The following KRT5 variants were observed in gnomAD, a reference collection of about 807,000 sequenced individuals.
The protein encoded by KRT5 is keratin 5, also known as keratin, type II cytoskeletal 5.
KRT5 carries 17 observed loss-of-function variants against 44.0 expected under a neutral mutation model. The ratio of observed to expected loss-of-function variants is 0.39; its 90% CI spans 0.26 to 0.58. The LOEUF (loss-of-function observed/expected upper bound fraction) is 0.58. Among genes scored for constraint, KRT5 ranks in the 20% least tolerant of loss-of-function variants. KRT5 has a pLI of 0.61. For missense variants in KRT5, 737 were observed against 785.5 expected, an observed-to-expected ratio of 0.94 and a Z score of 0.74; for synonymous variants, 329 against 312.8, an observed-to-expected ratio of 1.05 and a Z score of -0.55.
At position 52,517,013 on chromosome 12, in the gene KRT5, C is replaced by T. The variant is rs576713878; in HGVS notation, c.1218+94G>A. Reference sequence around the variant, plus strand: ...GAAACACTGGTACTGGATCTAGCTGCGTGTGTTTAGCAAAAGTAAAACAAA... The same window carrying T: ...GAAACACTGGTACTGGATCTAGCTGTGTGTGTTTAGCAAAAGTAAAACAAA... On this transcript the variant is annotated intron_variant, in intron 6 of 8. Transcript: ENST00000252242. 87 of 1,533,306 alleles carry T rather than the reference C, an allele frequency of 5.7e-5. No individual in the cohort carries two copies. The African/African-American group carries it at 8.9e-4, about 16-fold the overall frequency. The allele number at this position is 1,533,306 out of a possible 1,614,324, so 95.0% of individuals were successfully genotyped here. A position where few individuals can be genotyped will look rare whatever the true frequency, so the allele number is the denominator to read the frequency against.
In KRT5 at chr12:52,520,153, C is replaced by T. The variant is rs766339802; in HGVS notation, c.144G>A (p.Arg48=). 1 of 1,613,838 alleles carries T rather than the reference C, an allele frequency of 6.2e-7. No individual in the cohort carries two copies. The highest frequency in any genetic ancestry group is 8.5e-7 in the Non-Finnish European group (1 of 1,179,834). The change falls in exon 1 of 9, where the codon AGG becomes AGA. Residue 48 remains arginine (R), a synonymous_variant. Coordinates refer to ENST00000252242, the MANE Select transcript of KRT5 (RefSeq NM_000424.4). ...CTCCACAAGCACCCGCAAGGCTGAC[C>T]CTGCCGAAGCCACCACCACCGCCAC... ...SGGGGGGGFG[R]VSLAGACGVG... is the part of the protein sequence containing the mutation.
rs887267283 is a variant in KRT5 at position 52,514,724 on chromosome 12, C to T, written c.*218G>A. The T allele has an allele frequency of 5.3e-5, 30 of 571,118 alleles. No homozygotes were observed. The highest frequency in any genetic ancestry group is 8.7e-5 in the Non-Finnish European group (28 of 322,864). The allele number at this position is 571,118 out of a possible 1,614,324, so 35.4% of individuals were successfully genotyped here. A position where few individuals can be genotyped will look rare whatever the true frequency, so the allele number is the denominator to read the frequency against. On this transcript the variant is annotated 3_prime_UTR_variant, in exon 9 of 9. Transcript: ENST00000252242. ...CAGCAGGGGCCATGCTGTGGGAAAC[C>T]TGAAGGCTGATTTGAAGCAGAATAT...
At chr12:52,516,306 A>T (rs1170966584) in intron 7 of KRT5, 9 of 413,602 alleles carry the variant, frequency 2.2e-5, no homozygotes, top group Non-Finnish European at 2.7e-5. Context: ...GTACTGGAGG[A>T]CAAGGGTGGA....
At position 52,515,219 on chromosome 12, in the gene KRT5, G is replaced by A. The variant is rs747286504; in HGVS notation, c.1496C>T (p.Ser499Phe). 6.2e-7 allele frequency: 1 copy of A among 1,609,012 alleles called. No homozygotes were observed. The highest frequency in any genetic ancestry group is 8.5e-7 in the Non-Finnish European group (1 of 1,179,966). ...GCCACTGCCACTGCCATATCCAGAGGAAACACTGCTTGTGACAACAGCTGC... is the reference window on the plus strand; with the variant it reads ...GCCACTGCCACTGCCATATCCAGAGAAAACACTGCTTGTGACAACAGCTGC... ...VNISVVTSSVSSGYGSGSGYG... is the reference protein window; with the variant it reads ...VNISVVTSSVFSGYGSGSGYG... The change falls in exon 9 of 9, where the codon TCC (serine) becomes TTC (phenylalanine). Residue 499 changes from serine (S) to phenylalanine (F), a missense_variant. Coordinates refer to ENST00000252242, the MANE Select transcript of KRT5 (RefSeq NM_000424.4).
At position 52,516,633 on chromosome 12, in the gene KRT5, T is replaced by G. The variant is rs1400668705; in HGVS notation, c.1439+4A>C. The G allele has an allele frequency of 6.2e-7, 1 of 1,614,104 alleles. No individual in the cohort carries two copies. Among genetic ancestry groups the G allele is most frequent in the East Asian group, 2.2e-5 (1 of 44,880 alleles). On this transcript the variant is annotated splice_donor_region_variant and intron_variant, in intron 7 of 8. Transcript: ENST00000252242. ...GCCATCTTGAGTTCATGCTGTCTACTCACCTGCATTCCTCGCCCTCCAGCA... is the reference window on the plus strand; with the variant it reads ...GCCATCTTGAGTTCATGCTGTCTACGCACCTGCATTCCTCGCCCTCCAGCA...
chr12:52,517,567 G>A (rs201235054), intron 5 of KRT5, 23 bp downstream of exon 5: 3 of 1,613,102 alleles, frequency 1.9e-6, no homozygotes, highest in Middle Eastern at 1.7e-4. Flanking sequence ...CCTCACTCAG[G>A]AGACAGTCAT....
Position 52,516,725 on chromosome 12 carries a change from G to A in KRT5, c.1351C>T (p.Arg451Cys), listed in dbSNP as rs370060795. 5.8e-5 allele frequency: 94 copies of A among 1,614,036 alleles called. No homozygotes were observed. The highest frequency in any genetic ancestry group is 7.7e-5 in the Non-Finnish European group (91 of 1,180,054). ...GTGTTCATGAGCTCCTGGTACTCAC[G>A]CAGCAGCCGGGCCATGTCCTGCTTG... ...KAKQDMARLL[R>C]EYQELMNTKL... Residue 451 changes from arginine to cysteine, a missense_variant, in exon 7 of 9, where the codon CGT becomes TGT. By Grantham distance (180) the Arg-to-Cys change is radical (BLOSUM62 -3). Transcript: ENST00000252242.
In KRT5 at chr12:52,519,643, T is replaced by C. The variant is rs929143395; in HGVS notation, c.555+99A>G. On this transcript the variant is annotated intron_variant, in intron 1 of 8. Transcript: ENST00000252242. The stretch of plus-strand genomic sequence containing the variant: ...ACGGAAACACAGAACTGTACAACTA[T>C]AAAAGTATTTGCACAAAGCCAAAAC... The C allele has an allele frequency of 1.0e-5, 13 of 1,246,432 alleles. No homozygotes were observed. In the African/African-American group the frequency reaches 1.8e-4, roughly 17 times the overall value. 77.2% of individuals were successfully genotyped at this position (1,246,432 alleles called of 1,614,324 possible). A position where few individuals can be genotyped will look rare whatever the true frequency, so the allele number is the denominator to read the frequency against.
intron 6 of KRT5, 34 bp downstream of exon 6, chr12:52,517,073 G>C (rs1195952288): frequency 6.2e-7 from 1 of 1,613,136 alleles, no homozygotes. Context: ...TAGAACTCAG[G>C]CCCCTTCCTT....
At position 52,515,906 on chromosome 12, in the gene KRT5, A is replaced by G; in HGVS notation, c.1440-74T>C. ...GCATTAGTCTATGTGGCTAACTCCC[A>G]TCCTCATGATTCGAGTTCATTCCAT... On this transcript the variant is annotated intron_variant, in intron 7 of 8. Transcript: ENST00000252242. 2.4e-6 allele frequency: 3 copies of G among 1,258,108 alleles called. No individual in the cohort carries two copies. In the South Asian group the frequency reaches 3.6e-5, roughly 15 times the overall value. 77.9% of individuals were successfully genotyped at this position (1,258,108 alleles called of 1,614,324 possible). A position where few individuals can be genotyped will look rare whatever the true frequency, so the allele number is the denominator to read the frequency against.
chr12:52,519,674 C>T (rs537410587), intron 1 of KRT5, 68 bp downstream of exon 1: 1,171 of 1,483,702 alleles, frequency 7.9e-4, no homozygotes, highest in Middle Eastern at 4.5e-3. Context: ...AAAACATCTT[C>T]CTTCTTTCTC....
At chr12:52,519,534 C>A in intron 1 of KRT5, 1 of 674,822 alleles carries the variant, frequency 1.5e-6, no homozygotes, top group Non-Finnish European at 2.6e-6. Context: ...TGTGAGCTAA[C>A]CTCTGAATGG....
At chr12:52,519,703 CA>C (rs1938677818) in intron 1 of KRT5, 38 bp downstream of exon 1, 1 of 1,583,380 alleles carries the variant, frequency 6.3e-7, no homozygotes, top group South Asian at 1.1e-5. Context: ...GCATTTATTT[CA>C]GACCCACAGT....
chr12:52,518,897 A>T, intron 2 of KRT5, 49 bp downstream of exon 2: 2 of 1,609,216 alleles, frequency 1.2e-6, no homozygotes, highest in Non-Finnish European at 8.5e-7. Flanking sequence ...CCCATCTGGT[A>T]CCAAGAAGAC....
In KRT5 at chr12:52,514,811, G is replaced by A. The variant is rs958068000; in HGVS notation, c.*131C>T. 8 of 770,754 alleles carry A rather than the reference G, an allele frequency of 1.0e-5. No individual in the cohort carries two copies. Among genetic ancestry groups the A allele is most frequent in the Admixed American group, 2.1e-5 (1 of 47,988 alleles). The allele number at this position is 770,754 out of a possible 1,614,324, so 47.7% of individuals were successfully genotyped here. A position where few individuals can be genotyped will look rare whatever the true frequency, so the allele number is the denominator to read the frequency against. On this transcript the variant is annotated 3_prime_UTR_variant, in exon 9 of 9. Transcript: ENST00000252242. ...GGCTCTCCTGGGAACCAAAGAATGTGGTTCTGCAATTGGCTTGGTCTAGAC... is the reference window on the plus strand; with the variant it reads ...GGCTCTCCTGGGAACCAAAGAATGTAGTTCTGCAATTGGCTTGGTCTAGAC...
Position 52,514,819 on chromosome 12 carries a change from A to C in KRT5, c.*123T>G. 1 of 817,170 alleles carries C rather than the reference A, an allele frequency of 1.2e-6. No individual in the cohort carries two copies. Among genetic ancestry groups the C allele is most frequent in the Non-Finnish European group, 2.0e-6 (1 of 495,146 alleles). 50.6% of individuals were successfully genotyped at this position (817,170 alleles called of 1,614,324 possible). Reference sequence around the variant, plus strand: ...TGGGAACCAAAGAATGTGGTTCTGCAATTGGCTTGGTCTAGACTACTCTCC... The same window carrying C: ...TGGGAACCAAAGAATGTGGTTCTGCCATTGGCTTGGTCTAGACTACTCTCC... On this transcript the variant is annotated 3_prime_UTR_variant, in exon 9 of 9. Coordinates refer to ENST00000252242, the MANE Select transcript of KRT5 (RefSeq NM_000424.4).
chr12:52,519,360 C>T (rs1175352167), intron 1 of KRT5, among the ~76,000 whole-genome samples, 200 bp from the exon 2 acceptor site: 1 of 152,230 alleles, frequency 6.6e-6, no homozygotes, highest in Admixed American at 6.5e-5. Context: ...CTATCCAGGG[C>T]ACAGAAAGCA....
At chr12:52,517,528 G>A in intron 5 of KRT5, 62 bp downstream of exon 5, 1 of 1,555,804 alleles carries the variant, frequency 6.4e-7, no homozygotes, top group Non-Finnish European at 8.9e-7. Flanking sequence ...GTGTCGTCAT[G>A]GCCTAGAATC....
At chr12:52,518,205 C>T in intron 2 of KRT5, 42 bp from the exon 3 acceptor site, 1 of 1,587,682 alleles carries the variant, frequency 6.3e-7, no homozygotes, top group Non-Finnish European at 8.7e-7. Flanking sequence ...AGAGGATGAG[C>T]AACAGGTAAG....
Sources: allele counts gnomAD v4.1 joint callset (sites outside exome capture counted in the v4.1 genomes callset), GRCh38; gene constraint gnomAD v4.1.1; transcripts MANE v1.5; gene names NCBI Gene and HGNC (gene_info 2026-07-23, HGNC 2026-07-21).